Variants in LRP1B observed in about 807,000 individuals in gnomAD.
The protein encoded by LRP1B is low-density lipoprotein receptor-related protein 1B.
Under a neutral mutation model 556.6 loss-of-function variants are expected in LRP1B, and 217 were observed. The ratio of observed to expected loss-of-function variants is 0.39; its 90% CI spans 0.35 to 0.44. The LOEUF (loss-of-function observed/expected upper bound fraction) is 0.44, where lower values mean the gene tolerates loss of function less well. LRP1B is among the 20% of genes least tolerant of loss of function. The pLI, the probability that LRP1B is intolerant of heterozygous loss-of-function variation, is 1.00. For synonymous variants in LRP1B, 2,047 were observed against 1,865.8 expected (o/e 1.10, Z -2.50); for missense variants, 5,053 against 5,620.8 (o/e 0.90, Z 3.23).
intron 2 of LRP1B, among the ~76,000 whole-genome samples, chr2:141,703,558 T>G (rs1692029145): frequency 6.6e-6 from 1 of 151,996 alleles, no homozygotes; most frequent in Non-Finnish European, 1.5e-5. Context: ...CACTTTGGAT[T>G]GTCGGCTCAT....
At chr2:141,481,818 T>C (rs1682928424) in intron 2 of LRP1B, among the ~76,000 whole-genome samples, 1 of 152,192 alleles carries the variant, frequency 6.6e-6, no homozygotes, top group Non-Finnish European at 1.5e-5. Flanking sequence ...CACAGGGTTG[T>C]GGTGAGGATT....
intron 85 of LRP1B, 102 bp downstream of exon 85, chr2:140,274,322 T>G: frequency 9.3e-7 from 1 of 1,074,282 alleles, no homozygotes; most frequent in Non-Finnish European, 1.4e-6. Context: ...ATACGGAATT[T>G]TAGAATAAAA....
intron 43 of LRP1B, among the ~76,000 whole-genome samples, chr2:140,566,469 G>T (rs944356430): frequency 2.6e-5 from 4 of 152,200 alleles, no homozygotes; most frequent in Non-Finnish European, 5.9e-5. Context: ...TGCTGCACTT[G>T]TCCCTAGGGG....
At chr2:140,241,155 C>T (rs919831501) in intron 87 of LRP1B, among the ~76,000 whole-genome samples, 4 of 150,776 alleles carry the variant, frequency 2.7e-5, no homozygotes, top group African/African-American at 4.8e-5. Context: ...TACTATATTA[C>T]CTCCTTTGTT....
intron 83 of LRP1B, among the ~76,000 whole-genome samples, chr2:140,303,815 C>T (rs1683947453): frequency 6.6e-6 from 1 of 151,870 alleles, no homozygotes; most frequent in Admixed American, 6.6e-5. Context: ...CCCCCTCCTC[C>T]CACCCAATGA....
At chr2:141,575,630 A>G (rs1433317457) in intron 2 of LRP1B, among the ~76,000 whole-genome samples, 1 of 152,232 alleles carries the variant, frequency 6.6e-6, no homozygotes, top group East Asian at 1.9e-4. Flanking sequence ...GAACTTCTGC[A>G]CAGCAAAAGA....
intron 1 of LRP1B, among the ~76,000 whole-genome samples, chr2:141,986,344 A>T (rs1702186390): frequency 6.6e-6 from 1 of 151,982 alleles, no homozygotes; most frequent in South Asian, 2.1e-4. Context: ...ATGACTAAGA[A>T]ATACCTATAA....
chr2:140,828,611 A>AC lies in LRP1B; in HGVS notation c.5209+11379_5209+11380insG, dbSNP rs1361656935. Among the ~76,000 whole-genome samples, 16 of 98,720 alleles carry AC rather than the reference A, an allele frequency of 1.6e-4. No individual in the cohort carries two copies. The East Asian group carries it at 1.9e-3, about 12-fold the overall frequency. The allele number at this position is 98,720 out of a possible 152,430, so 64.8% of individuals were successfully genotyped here. ...GCGACAGAGCGAGACTCCGTCTCAA[A>AC]AAAAAAAAAAAAAAAAAAAATACAA... is the stretch of plus-strand genomic sequence containing the variant. On this transcript the variant is annotated intron_variant, in intron 31 of 90. Transcript: ENST00000389484.
chr2:141,574,511 G>C (rs1218113280), intron 2 of LRP1B, among the ~76,000 whole-genome samples: 1 of 152,060 alleles, frequency 6.6e-6, no homozygotes, highest in African/African-American at 2.4e-5. Context: ...TATTGAATGG[G>C]CAAAAGCTGG....
chr2:140,957,315 G>A (rs1695902539), intron 18 of LRP1B, among the ~76,000 whole-genome samples: 1 of 151,604 alleles, frequency 6.6e-6, no homozygotes, highest in African/African-American at 2.4e-5. Context: ...TGACGGCCCG[G>A]AAGTGAGGGT....
chr2:140,300,589 A>G (rs1175255117), intron 83 of LRP1B, among the ~76,000 whole-genome samples: 2 of 152,168 alleles, frequency 1.3e-5, no homozygotes, highest in African/African-American at 2.4e-5. Flanking sequence ...GGGAGGCTCC[A>G]TACCTTATGT....
At chr2:141,747,360 A>G (rs1041259798) in intron 2 of LRP1B, among the ~76,000 whole-genome samples, 1 of 152,218 alleles carries the variant, frequency 6.6e-6, no homozygotes, top group Non-Finnish European at 1.5e-5. Flanking sequence ...GGTAGATAAA[A>G]TGAATGTTTT....
At chr2:141,766,391 C>T (rs1456005677) in intron 2 of LRP1B, among the ~76,000 whole-genome samples, 3 of 152,186 alleles carry the variant, frequency 2.0e-5, no homozygotes, top group Non-Finnish European at 2.9e-5. Context: ...CGCTACCTTT[C>T]AATGGGTGCA....
intron 2 of LRP1B, among the ~76,000 whole-genome samples, chr2:141,739,003 C>T (rs1421606276): frequency 5.9e-5 from 9 of 152,132 alleles, no homozygotes; most frequent in African/African-American, 2.2e-4. Flanking sequence ...TCAACACTAA[C>T]GTATGTACAC....
At position 141,868,270 on chromosome 2, in the gene LRP1B, C is replaced by A. The variant is rs573042666; in HGVS notation, c.83-57869G>T. Among the ~76,000 whole-genome samples the A allele has an allele frequency of 1.3e-4, 20 of 152,196 alleles. No homozygotes were observed. The South Asian group carries it at 4.2e-3, about 32-fold the overall frequency. On this transcript the variant is annotated intron_variant, in intron 1 of 90. Coordinates refer to ENST00000389484, the MANE Select transcript of LRP1B (RefSeq NM_018557.3). Reference sequence around the variant, plus strand: ...TTCCAGTACATACCACAGAGAGATGCCCCGGTGAGAAGCAACTGGATTGCC... The same window carrying A: ...TTCCAGTACATACCACAGAGAGATGACCCGGTGAGAAGCAACTGGATTGCC...
intron 21 of LRP1B, among the ~76,000 whole-genome samples, chr2:140,908,583 A>G (rs931600706): frequency 2.6e-5 from 4 of 151,856 alleles, no homozygotes; most frequent in Non-Finnish European, 5.9e-5. Context: ...ATTTACATTT[A>G]TAACATCAAC....
chr2:140,457,684 T>A (rs779707538), intron 60 of LRP1B, 33 bp from the exon 61 acceptor site: 7 of 1,553,528 alleles, frequency 4.5e-6, no homozygotes, highest in Non-Finnish European at 6.2e-6. Flanking sequence ...TAATGTTCAG[T>A]CTTGGAAGAC....
chr2:140,937,614 T>C (rs1268480946), intron 20 of LRP1B, among the ~76,000 whole-genome samples: 1 of 152,078 alleles, frequency 6.6e-6, no homozygotes, highest in African/African-American at 2.4e-5. Flanking sequence ...GTGCTATGAG[T>C]ATTTTAGAAC....
At chr2:140,309,058 A>C (rs996612449) in intron 83 of LRP1B, among the ~76,000 whole-genome samples, 1 of 151,842 alleles carries the variant, frequency 6.6e-6, no homozygotes. Context: ...GCTTTAAAAA[A>C]ATGCTAGTCT....
Sources: gnomAD v4.1 joint callset for allele counts (sites outside exome capture counted in the v4.1 genomes callset) on GRCh38, gnomAD v4.1.1 for gene constraint, MANE v1.5 for transcripts, NCBI Gene and HGNC (gene_info 2026-07-23, HGNC 2026-07-21) for gene names.